The following ERC2 variants were observed in gnomAD, a reference collection of about 807,000 sequenced individuals.
ERC2 encodes the protein ELKS/RAB6-interacting/CAST family member 2.
In ERC2, 42 loss-of-function variants were observed where a neutral mutation model predicts 114.8. The observed-to-expected ratio is 0.37, with a 90% CI of 0.29 to 0.47. ERC2 has a LOEUF of 0.47. Among genes scored for constraint, ERC2 ranks in the 20% least tolerant of loss-of-function variants. The pLI is 0.99. For missense variants in ERC2, 939 were observed against 1,150.7 expected (o/e 0.82, Z 2.66); for synonymous variants, 454 against 425.5 (o/e 1.07, Z -0.82).
chr3:55,603,414 CAA>C (rs2058496896), intron 17 of ERC2, among the ~76,000 whole-genome samples: 1 of 152,184 alleles, frequency 6.6e-6, no homozygotes, highest in South Asian at 2.1e-4. Flanking sequence ...AGGCGGATCA[CAA>C]GGTCAGGAGA....
intron 4 of ERC2, among the ~76,000 whole-genome samples, chr3:56,169,990 T>C (rs1575666620): frequency 6.6e-6 from 1 of 152,250 alleles, no homozygotes; most frequent in East Asian, 1.9e-4. Flanking sequence ...TTGACAGTTA[T>C]CCACAAGAGC....
At chr3:55,575,827 T>A (rs1010189105) in intron 17 of ERC2, among the ~76,000 whole-genome samples, 1 of 152,218 alleles carries the variant, frequency 6.6e-6, no homozygotes, top group African/African-American at 2.4e-5. Flanking sequence ...TGCCTGGGAC[T>A]TTGTGCCAAG....
At chr3:56,043,291 A>G (rs2075291325) in intron 7 of ERC2, among the ~76,000 whole-genome samples, 1 of 152,194 alleles carries the variant, frequency 6.6e-6, no homozygotes. Context: ...GAGTGTACAC[A>G]AGGGGATCAT....
intron 8 of ERC2, among the ~76,000 whole-genome samples, chr3:56,014,699 A>T (rs2073188590): frequency 6.6e-6 from 1 of 152,194 alleles, no homozygotes; most frequent in Admixed American, 6.6e-5. Context: ...CAGAAAAAAA[A>T]ATAAAATCCT....
chr3:55,858,374 C>T (rs1256816982), intron 14 of ERC2, among the ~76,000 whole-genome samples: 1 of 152,132 alleles, frequency 6.6e-6, no homozygotes, highest in African/African-American at 2.4e-5. Flanking sequence ...GATATATTAA[C>T]TCTAAAATAA....
chr3:56,082,535 G>C (rs527716332), intron 6 of ERC2, among the ~76,000 whole-genome samples: 23 of 152,132 alleles, frequency 1.5e-4, no homozygotes, highest in African/African-American at 5.5e-4. Flanking sequence ...GATCATTAAA[G>C]ACACCTTAAC....
chr3:55,950,645 T>A, intron 12 of ERC2, 85 bp from the exon 13 acceptor site: 2 of 1,444,872 alleles, frequency 1.4e-6, no homozygotes, highest in Non-Finnish European at 1.9e-6. Context: ...GTACTAAGTA[T>A]AGGCTATCTG....
In ERC2 at chr3:56,423,227, T is replaced by C. The variant is rs151145315; in HGVS notation, c.657+11124A>G. Among the ~76,000 whole-genome samples, 285 of 152,376 alleles carry C rather than the reference T, an allele frequency of 1.9e-3. 1 individual carries two copies. Among genetic ancestry groups the C allele is most frequent in the Admixed American group, 0.017 (261 of 15,312 alleles). On this transcript the variant is annotated intron_variant, in intron 2 of 17. Coordinates refer to ENST00000288221, the MANE Select transcript of ERC2 (RefSeq NM_015576.3). ...TTTTACAAAAATACATGCATTTTGA[T>C]CATCAGTTCACAAAGTGAAAGTAAA...
intron 17 of ERC2, among the ~76,000 whole-genome samples, chr3:55,650,841 GT>G (rs57226729): frequency 0.91 from 132,861 of 146,428 alleles, 60,297 homozygotes; most frequent in East Asian, 1. Flanking sequence ...CTCATAGGGT[GT>G]TTTTTTTTTC....
rs141380843 is a variant in ERC2, at chr3:56,146,200, T to C, written c.1305+2777A>G. Among the ~76,000 whole-genome samples the C allele has an allele frequency of 1.2e-3, 180 of 152,066 alleles. 1 individual carries two copies. Among genetic ancestry groups the C allele is most frequent in the African/African-American group, 4.2e-3 (174 of 41,476 alleles). On this transcript the variant is annotated intron_variant, in intron 5 of 17. Transcript: ENST00000288221. Reference sequence around the variant, plus strand: ...CTACTCAGGAGGCTGGGTGGGAGAATTGGTTGAACCTGGGAGGTAGAGGCT... The same window carrying C: ...CTACTCAGGAGGCTGGGTGGGAGAACTGGTTGAACCTGGGAGGTAGAGGCT...
chr3:56,248,147 T>C (rs757499685), intron 3 of ERC2, among the ~76,000 whole-genome samples: 9 of 152,150 alleles, frequency 5.9e-5, no homozygotes, highest in Non-Finnish European at 1.2e-4. Context: ...TAGAGTTCAG[T>C]GACACAATCA....
At chr3:55,519,128 T>G (rs1298899195) in intron 17 of ERC2, among the ~76,000 whole-genome samples, 1 of 152,208 alleles carries the variant, frequency 6.6e-6, no homozygotes, top group Non-Finnish European at 1.5e-5. Context: ...CTGAGCTGCC[T>G]GAGGTTATTA....
At chr3:55,912,479 C>G (rs1007088606) in intron 13 of ERC2, among the ~76,000 whole-genome samples, 3 of 152,132 alleles carry the variant, frequency 2.0e-5, no homozygotes, top group Non-Finnish European at 4.4e-5. Context: ...TATTATTACC[C>G]TACTGTATGT....
intron 2 of ERC2, among the ~76,000 whole-genome samples, chr3:56,347,191 G>A (rs78280055): frequency 1.1e-3 from 160 of 152,276 alleles, no homozygotes; most frequent in African/African-American, 3.6e-3. Flanking sequence ...AACCACGTAT[G>A]TTTGTGTAGT....
chr3:55,848,957 T>C (rs1196394720), intron 14 of ERC2, among the ~76,000 whole-genome samples: 1 of 152,218 alleles, frequency 6.6e-6, no homozygotes, highest in Non-Finnish European at 1.5e-5. Context: ...AACTTTTTGA[T>C]ACCCTAACAT....
chr3:55,973,930 C>A (rs73086201), intron 12 of ERC2, among the ~76,000 whole-genome samples: 43,577 of 152,026 alleles, frequency 0.29, 7,434 homozygotes, highest in Middle Eastern at 0.36. Flanking sequence ...TTTAGTTAGT[C>A]ACTTTACCCA....
At chr3:56,291,293 A>G (rs2055068337) in intron 3 of ERC2, among the ~76,000 whole-genome samples, 1 of 152,248 alleles carries the variant, frequency 6.6e-6, no homozygotes. Flanking sequence ...AATGCTAGTG[A>G]GTAATGCTGA....
intron 1 of ERC2, among the ~76,000 whole-genome samples, chr3:56,453,893 C>A (rs1335150689): frequency 6.6e-6 from 1 of 152,118 alleles, no homozygotes; most frequent in Non-Finnish European, 1.5e-5. Flanking sequence ...TGGGCGTGGG[C>A]TGGACCTCGT....
At chr3:56,238,229 A>G (rs1052750847) in intron 3 of ERC2, among the ~76,000 whole-genome samples, 2 of 152,230 alleles carry the variant, frequency 1.3e-5, no homozygotes, top group Admixed American at 6.5e-5. Context: ...TGCTGAACTG[A>G]GAGCCCATGA....
Sources: allele counts gnomAD v4.1 joint callset (sites outside exome capture counted in the v4.1 genomes callset), GRCh38; gene constraint gnomAD v4.1.1; transcripts MANE v1.5; gene names NCBI Gene and HGNC (gene_info 2026-07-23, HGNC 2026-07-21).